CPS1: variants seen among roughly 807,000 people sequenced by gnomAD.
CPS1 encodes the protein carbamoyl-phosphate synthase 1.
CPS1 carries 109 observed loss-of-function variants against 174.6 expected under a neutral mutation model. That is an observed-to-expected ratio of 0.62 (90% CI 0.53 to 0.73). The LOEUF (loss-of-function observed/expected upper bound fraction) is 0.73. Ranked by LOEUF, CPS1 falls within the 30% of genes least tolerant of loss-of-function variation. The pLI, the probability that CPS1 is intolerant of heterozygous loss-of-function variation, is 0.00. For missense variants in CPS1, 1,689 were observed against 1,821.9 expected (o/e 0.93, Z 1.33); for synonymous variants, 637 against 632.0 (o/e 1.01, Z -0.12).
chr2:210,595,440 C>A, intron 12 of CPS1, 47 bp from the exon 13 acceptor site: 2 of 1,323,884 alleles, frequency 1.5e-6, no homozygotes, highest in Non-Finnish European at 2.2e-6. Context: ...TGCCTTATTT[C>A]CCCCATTTTA....
intron 1 of CPS1, among the ~76,000 whole-genome samples, chr2:210,568,983 C>G (rs911995173): frequency 1.3e-5 from 2 of 151,754 alleles, no homozygotes; most frequent in Non-Finnish European, 2.9e-5. Context: ...ATAACTTTTC[C>G]TCTCTTATCA....
intron 6 of CPS1, among the ~76,000 whole-genome samples, chr2:210,587,764 A>G (rs1220671828): frequency 2.6e-5 from 4 of 152,256 alleles, no homozygotes; most frequent in South Asian, 2.1e-4. Flanking sequence ...GAGGCAAAAC[A>G]TGAGAAAGAT....
intron 29 of CPS1, among the ~76,000 whole-genome samples, chr2:210,654,721 T>G (rs1250737554): frequency 6.6e-6 from 1 of 152,218 alleles, no homozygotes; most frequent in African/African-American, 2.4e-5. Flanking sequence ...GTAAGTTATG[T>G]TGTAGGGAGT....
chr2:210,497,893 CATATATATATAT>C (rs59178446), intron 1 of CPS1, among the ~76,000 whole-genome samples: 11 of 86,940 alleles, frequency 1.3e-4, no homozygotes, highest in Admixed American at 5.0e-4. Context: ...TATATACATA[CATATATATATAT>C]ATATATATAT....
intron 13 of CPS1, among the ~76,000 whole-genome samples, chr2:210,599,087 A>G (rs1468152053): frequency 1.3e-5 from 2 of 151,910 alleles, no homozygotes; most frequent in Admixed American, 6.6e-5. Context: ...CTCTAGACCA[A>G]TTATATAGAA....
chr2:210,532,844 T>G (rs1433095560), intron 1 of CPS1, among the ~76,000 whole-genome samples: 1 of 152,178 alleles, frequency 6.6e-6, no homozygotes, highest in Admixed American at 6.5e-5. Context: ...ATGGGAAATA[T>G]TTTTTAAAGT....
intron 28 of CPS1, among the ~76,000 whole-genome samples, chr2:210,651,189 G>C (rs1700548271): frequency 6.6e-6 from 1 of 152,020 alleles, no homozygotes; most frequent in Non-Finnish European, 1.5e-5. Flanking sequence ...AGAAGAGTTT[G>C]ATGTTAGGCA....
intron 28 of CPS1, among the ~76,000 whole-genome samples, chr2:210,653,343 C>T (rs999623020): frequency 6.6e-6 from 1 of 151,996 alleles, no homozygotes; most frequent in Non-Finnish European, 1.5e-5. Flanking sequence ...GAGGGCATCC[C>T]GACCCTGACA....
intron 1 of CPS1, among the ~76,000 whole-genome samples, chr2:210,572,741 A>C (rs1385757648): frequency 6.6e-6 from 1 of 152,048 alleles, no homozygotes; most frequent in Non-Finnish European, 1.5e-5. Flanking sequence ...AGAGAGTGAT[A>C]AAGTTTCAGT....
At chr2:210,480,331 G>A (rs775043638) in intron 1 of CPS1, among the ~76,000 whole-genome samples, 24 of 152,208 alleles carry the variant, frequency 1.6e-4, no homozygotes, top group Non-Finnish European at 3.4e-4. Flanking sequence ...CCAGGAGGCT[G>A]TGAAATGAAG....
rs575453430 is a variant in CPS1, at chr2:210,634,215, G to A, written c.2688-3487G>A. 1.2e-4 allele frequency among the ~76,000 whole-genome samples: 18 copies of A among 152,302 alleles called. No individual in the cohort carries two copies. The South Asian group carries it at 3.7e-3, about 32-fold the overall frequency. ...GGAGGCCGAGGCAGGCGGATCACAA[G>A]GTCAGGAGATCAAGACCATCCTGGC... On this transcript the variant is annotated intron_variant, in intron 21 of 37. Transcript: ENST00000233072.
At chr2:210,652,998 G>A (rs967239374) in intron 28 of CPS1, among the ~76,000 whole-genome samples, 2 of 152,144 alleles carry the variant, frequency 1.3e-5, no homozygotes, top group African/African-American at 4.8e-5. Flanking sequence ...TTTTCAGAAG[G>A]CCAGCCTTGT....
At position 210,602,197 on chromosome 2, in the gene CPS1, G is replaced by C. The variant is rs571670790; in HGVS notation, c.1708-5G>C. ...AAAATGTTGAGTCCTTGTTCTTGTT[G>C]ACAGATTGAGGATGCACTGAAGGCA... is the stretch of plus-strand genomic sequence containing the variant. On this transcript the variant is annotated splice_polypyrimidine_tract_variant and splice_region_variant and intron_variant, in intron 15 of 37. Coordinates refer to ENST00000233072, the MANE Select transcript of CPS1 (RefSeq NM_001875.5). 1 of 1,612,082 alleles carries C rather than the reference G, an allele frequency of 6.2e-7. No homozygotes were observed. Among genetic ancestry groups the C allele is most frequent in the Non-Finnish European group, 8.5e-7 (1 of 1,178,896 alleles).
intron 1 of CPS1, among the ~76,000 whole-genome samples, chr2:210,561,922 A>C (rs1328193931): frequency 6.6e-6 from 1 of 152,210 alleles, no homozygotes; most frequent in Non-Finnish European, 1.5e-5. Context: ...TAAATGAATC[A>C]ATAGGGTTGC....
chr2:210,658,232 G>T, intron 30 of CPS1: 1 of 301,550 alleles, frequency 3.3e-6, no homozygotes, highest in Non-Finnish European at 6.4e-6. Context: ...CCAGCAGGTA[G>T]GTCATTACAT....
At chr2:210,617,713 T>C (rs1699358545) in intron 21 of CPS1, 1 of 152,068 alleles carries the variant, frequency 6.6e-6, no homozygotes, top group Admixed American at 6.6e-5. Context: ...TTGTAAATCA[T>C]CCTTTCTAGT....
intron 14 of CPS1, among the ~76,000 whole-genome samples, chr2:210,600,182 A>T (rs1698664999): frequency 6.6e-6 from 1 of 151,708 alleles, no homozygotes; most frequent in South Asian, 2.1e-4. Context: ...TTTGAGGATA[A>T]TTTTTTAGCC....
At chr2:210,602,467 C>A in intron 16 of CPS1, 137 bp downstream of exon 16, 1 of 1,130,518 alleles carries the variant, frequency 8.8e-7, no homozygotes, top group Non-Finnish European at 1.3e-6. Context: ...AAAGCGTATT[C>A]CAAAAGATGA....
intron 18 of CPS1, among the ~76,000 whole-genome samples, chr2:210,607,375 T>C (rs1698954101): frequency 6.6e-6 from 1 of 151,912 alleles, no homozygotes; most frequent in Non-Finnish European, 1.5e-5. Context: ...TTATCAAAAC[T>C]CCACAAGACT....
Sources: gnomAD v4.1 joint callset for allele counts (sites outside exome capture counted in the v4.1 genomes callset) on GRCh38, gnomAD v4.1.1 for gene constraint, MANE v1.5 for transcripts, NCBI Gene and HGNC (gene_info 2026-07-23, HGNC 2026-07-21) for gene names.